RBFOX1: variants seen among roughly 807,000 people sequenced by gnomAD.
RBFOX1 encodes the protein RNA binding fox-1 homolog 1.
A neutral mutation model predicts 57.7 loss-of-function variants in RBFOX1; 8 were observed. The ratio of observed to expected loss-of-function variants is 0.14; its 90% CI spans 0.08 to 0.25. The LOEUF (loss-of-function observed/expected upper bound fraction) is 0.25, where lower values mean the gene tolerates loss of function less well. Among genes scored for constraint, RBFOX1 ranks in the 10% least tolerant of loss-of-function variants. RBFOX1 has a pLI of 1.00. For missense variants in RBFOX1, 611 were observed against 548.5 expected (o/e 1.11, Z -1.14); for synonymous variants, 326 against 222.4 (o/e 1.47, Z -4.15).
At chr16:6,349,209 G>GA (rs774732283) in intron 2 of RBFOX1, among the ~76,000 whole-genome samples, 9 of 152,116 alleles carry the variant, frequency 5.9e-5, no homozygotes, top group Admixed American at 2.6e-4. Context: ...AAAAAAAGCA[G>GA]AAAAGTGCCC....
intron 4 of RBFOX1, among the ~76,000 whole-genome samples, chr16:7,331,048 A>T (rs2096685735): frequency 6.6e-6 from 1 of 152,194 alleles, no homozygotes; most frequent in Non-Finnish European, 1.5e-5. Flanking sequence ...AGAATCAATT[A>T]CAGAGAAACC....
chr16:7,168,230 C>A (rs908702832), intron 4 of RBFOX1, among the ~76,000 whole-genome samples: 1 of 152,158 alleles, frequency 6.6e-6, no homozygotes, highest in Admixed American at 6.5e-5. Context: ...GTTCCCCTAG[C>A]AAGCTTTGGT....
At chr16:5,319,241 G>C (rs991028394) in intron 1 of RBFOX1, among the ~76,000 whole-genome samples, 1 of 152,218 alleles carries the variant, frequency 6.6e-6, no homozygotes, top group Non-Finnish European at 1.5e-5. Flanking sequence ...GTGATGGAGA[G>C]GGCCATGTGG....
rs149816885 is a variant in RBFOX1, at chr16:6,588,566, C to G, written c.-63-66037C>G. The stretch of plus-strand genomic sequence containing the variant: ...ACTCTGGAGGCTGAGGCTGGAGAAT[C>G]GCTTGAATCTAGGAGGTGGAGGTTG... On this transcript the variant is annotated intron_variant, in intron 2 of 15. Transcript: ENST00000550418. 2.3e-3 allele frequency among the ~76,000 whole-genome samples: 349 copies of G among 151,756 alleles called. 1 individual carries two copies. Among genetic ancestry groups the G allele is most frequent in the African/African-American group, 7.8e-3 (324 of 41,372 alleles).
In RBFOX1 at chr16:6,695,568, A is replaced by T. The variant is rs546394792; in HGVS notation, c.-16+40918A>T. Among the ~76,000 whole-genome samples, 4 of 107,224 alleles carry T rather than the reference A, an allele frequency of 3.7e-5. No individual in the cohort carries two copies. In the Admixed American group the frequency reaches 4.0e-4, roughly 11 times the overall value. The allele number at this position is 107,224 out of a possible 152,430, so 70.3% of individuals were successfully genotyped here. A position where few individuals can be genotyped will look rare whatever the true frequency, so the allele number is the denominator to read the frequency against. ...CCGACGCGCCTATTATGAATGTTTC[A>T]AGTATGAGATATAGAATGATGAGCA... On this transcript the variant is annotated intron_variant, in intron 3 of 15. Coordinates refer to ENST00000550418, the MANE Select transcript of RBFOX1 (RefSeq NM_018723.4).
intron 3 of RBFOX1, among the ~76,000 whole-genome samples, chr16:5,649,361 G>C (rs1030672683): frequency 6.6e-6 from 1 of 152,010 alleles, no homozygotes; most frequent in South Asian, 2.1e-4. Context: ...GTACAGACGG[G>C]GTTTCGCCAT....
At chr16:6,765,751 A>ATAAG (rs2077236918) in intron 3 of RBFOX1, among the ~76,000 whole-genome samples, 1 of 152,200 alleles carries the variant, frequency 6.6e-6, no homozygotes, top group Admixed American at 6.5e-5. Context: ...CCAGCAACCA[A>ATAAG]TAAGTAGATA....
intron 4 of RBFOX1, among the ~76,000 whole-genome samples, chr16:7,103,572 T>G (rs758468325): frequency 6.6e-6 from 1 of 152,202 alleles, no homozygotes; most frequent in Non-Finnish European, 1.5e-5. Flanking sequence ...ATTGATAATC[T>G]ACACACCAAG....
chr16:5,425,177 C>CGTGA (rs2067519292), intron 1 of RBFOX1, among the ~76,000 whole-genome samples: 1 of 151,178 alleles, frequency 6.6e-6, no homozygotes, highest in Non-Finnish European at 1.5e-5. Context: ...GCGATCTTGG[C>CGTGA]TCACTGCAAC....
At chr16:6,505,017 G>T (rs1474604564) in intron 2 of RBFOX1, among the ~76,000 whole-genome samples, 3 of 152,270 alleles carry the variant, frequency 2.0e-5, no homozygotes, top group African/African-American at 7.2e-5. Context: ...AGGTTGCAGT[G>T]AGCCAAGATT....
chr16:6,783,009 A>G (rs2081287264), intron 3 of RBFOX1, among the ~76,000 whole-genome samples: 1 of 151,476 alleles, frequency 6.6e-6, no homozygotes, highest in Non-Finnish European at 1.5e-5. Context: ...CTTTTTACAG[A>G]TTTTGTCTTG....
At chr16:6,496,308 C>T (rs2095766834) in intron 2 of RBFOX1, among the ~76,000 whole-genome samples, 1 of 152,184 alleles carries the variant, frequency 6.6e-6, no homozygotes, top group African/African-American at 2.4e-5. Flanking sequence ...GAACTTCCTT[C>T]ATTTGTTGTT....
intron 4 of RBFOX1, among the ~76,000 whole-genome samples, chr16:7,066,897 C>A (rs1016393808): frequency 1.3e-5 from 2 of 152,130 alleles, no homozygotes; most frequent in African/African-American, 4.8e-5. Context: ...TGAACCCAGA[C>A]CATTTATTTT....
intron 4 of RBFOX1, among the ~76,000 whole-genome samples, chr16:5,869,560 C>A (rs145691831): frequency 6.6e-6 from 1 of 151,984 alleles, no homozygotes; most frequent in Non-Finnish European, 1.5e-5. Flanking sequence ...TGCCACCATG[C>A]CTAGCTAGTT....
intron 2 of RBFOX1, among the ~76,000 whole-genome samples, chr16:6,552,964 A>T (rs1234637085): frequency 3.9e-5 from 6 of 152,252 alleles, no homozygotes; most frequent in Non-Finnish European, 7.4e-5. Context: ...AAAATTTTTT[A>T]AAAAGTATCT....
At chr16:5,570,323 C>G (rs1424624316) in intron 2 of RBFOX1, among the ~76,000 whole-genome samples, 1 of 152,122 alleles carries the variant, frequency 6.6e-6, no homozygotes, top group Non-Finnish European at 1.5e-5. Context: ...ATTCACTCAT[C>G]CATAAAATGG....
chr16:7,134,342 A>G (rs535673642), intron 4 of RBFOX1, among the ~76,000 whole-genome samples: 4 of 152,320 alleles, frequency 2.6e-5, no homozygotes, highest in East Asian at 1.9e-4. Context: ...ATACTGCTCC[A>G]GTATATATAA....
chr16:7,492,615 C>T (rs2067280225), intron 4 of RBFOX1, among the ~76,000 whole-genome samples: 2 of 152,140 alleles, frequency 1.3e-5, no homozygotes, highest in South Asian at 4.2e-4. Context: ...AATTGTAATC[C>T]CCAGTGTTGG....
At chr16:7,359,378 A>G (rs1490069627) in intron 4 of RBFOX1, among the ~76,000 whole-genome samples, 1 of 147,246 alleles carries the variant, frequency 6.8e-6, no homozygotes, top group Non-Finnish European at 1.5e-5. Flanking sequence ...ATATCTGTGT[A>G]TATGTGTGCC....
Sources: allele counts gnomAD v4.1 joint callset (sites outside exome capture counted in the v4.1 genomes callset), GRCh38; gene constraint gnomAD v4.1.1; transcripts MANE v1.5; gene names NCBI Gene and HGNC (gene_info 2026-07-23, HGNC 2026-07-21).